Variants in PHACTR1 observed in about 807,000 individuals in gnomAD.
PHACTR1 encodes the protein RPEL repeat containing 1.
PHACTR1 carries 16 observed loss-of-function variants against 69.2 expected under a neutral mutation model. The observed-to-expected ratio is 0.23, with a 90% CI of 0.16 to 0.35. The LOEUF (loss-of-function observed/expected upper bound fraction) is 0.35, where lower values mean the gene tolerates loss of function less well. Among genes scored for constraint, PHACTR1 ranks in the 10% least tolerant of loss-of-function variants. The pLI is 1.00. For missense variants in PHACTR1, 510 were observed against 734.7 expected, an observed-to-expected ratio of 0.69 and a Z score of 3.54; for synonymous variants, 312 against 284.5, an observed-to-expected ratio of 1.10 and a Z score of -0.97.
intron 12 of PHACTR1, among the ~76,000 whole-genome samples, chr6:13,281,931 CCT>C (rs1025109463): frequency 6.6e-6 from 1 of 152,330 alleles, no homozygotes; most frequent in Non-Finnish European, 1.5e-5. Flanking sequence ...CGGCTGAGCC[CCT>C]GATCCCCAGA....
At chr6:13,244,814 C>A (rs1773363730) in intron 10 of PHACTR1, among the ~76,000 whole-genome samples, 1 of 152,144 alleles carries the variant, frequency 6.6e-6, no homozygotes, top group Non-Finnish European at 1.5e-5. Flanking sequence ...ATCACATAGT[C>A]CTGAGGCGAC....
chr6:13,236,515 G>A (rs778134667), intron 10 of PHACTR1, among the ~76,000 whole-genome samples: 1 of 152,070 alleles, frequency 6.6e-6, no homozygotes, highest in African/African-American at 2.4e-5. Context: ...CGTCTCTCCC[G>A]GCCTCTCGTG....
At chr6:13,226,840 C>G (rs1036298887) in intron 8 of PHACTR1, among the ~76,000 whole-genome samples, 1 of 151,344 alleles carries the variant, frequency 6.6e-6, no homozygotes, top group Non-Finnish European at 1.5e-5. Context: ...CAGGCTCAAG[C>G]GATTCTCCTG....
At chr6:12,744,251 A>C (rs1309905327) in intron 3 of PHACTR1, among the ~76,000 whole-genome samples, 1 of 152,206 alleles carries the variant, frequency 6.6e-6, no homozygotes, top group Non-Finnish European at 1.5e-5. Context: ...TTCCCATCAA[A>C]GCCTTGGCAA....
chr6:12,940,862 G>A (rs1789988476), intron 4 of PHACTR1, among the ~76,000 whole-genome samples: 2 of 152,100 alleles, frequency 1.3e-5, no homozygotes, highest in Non-Finnish European at 2.9e-5. Flanking sequence ...TGTTCATGAC[G>A]GATGCTAAGA....
At chr6:13,196,870 T>C (rs1286055572) in intron 7 of PHACTR1, among the ~76,000 whole-genome samples, 2 of 152,228 alleles carry the variant, frequency 1.3e-5, no homozygotes, top group Non-Finnish European at 2.9e-5. Flanking sequence ...CTCTGCTCTA[T>C]TACTTGATTC....
chr6:12,981,893 A>G (rs1000845681), intron 4 of PHACTR1, among the ~76,000 whole-genome samples: 1 of 152,190 alleles, frequency 6.6e-6, no homozygotes, highest in Non-Finnish European at 1.5e-5. Flanking sequence ...ATGAGTTGGC[A>G]GTTGCTTGAA....
At chr6:13,092,687 T>C (rs1469572884) in intron 5 of PHACTR1, among the ~76,000 whole-genome samples, 3 of 152,120 alleles carry the variant, frequency 2.0e-5, no homozygotes, top group African/African-American at 7.2e-5. Context: ...CATCTGGCGG[T>C]GATGGGAGAC....
At chr6:13,015,340 G>A (rs1175706180) in intron 4 of PHACTR1, among the ~76,000 whole-genome samples, 1 of 152,190 alleles carries the variant, frequency 6.6e-6, no homozygotes, top group Non-Finnish European at 1.5e-5. Context: ...GGACGGCACT[G>A]GAGGAAGGCG....
At chr6:13,005,062 A>G (rs997465619) in intron 4 of PHACTR1, among the ~76,000 whole-genome samples, 1 of 151,898 alleles carries the variant, frequency 6.6e-6, no homozygotes, top group African/African-American at 2.4e-5. Context: ...AGTTTCTCAG[A>G]TACACCAGAA....
At chr6:13,272,623 G>A (rs1167403790) in intron 10 of PHACTR1, 3 of 1,305,026 alleles carry the variant, frequency 2.3e-6, no homozygotes, top group Non-Finnish European at 3.0e-6. Flanking sequence ...GCTGGGGAGG[G>A]GCCGCTGCAG....
At chr6:13,202,371 A>C (rs191819593) in intron 7 of PHACTR1, among the ~76,000 whole-genome samples, 2 of 152,222 alleles carry the variant, frequency 1.3e-5, no homozygotes, top group African/African-American at 2.4e-5. Context: ...ATGAGCACCT[A>C]CTTGCCTTAG....
chr6:12,899,013 C>T (rs1168340173), intron 4 of PHACTR1, among the ~76,000 whole-genome samples: 1 of 152,200 alleles, frequency 6.6e-6, no homozygotes, highest in Non-Finnish European at 1.5e-5. Flanking sequence ...CTGGCCTATG[C>T]TTCCTCATAT....
At chr6:12,819,797 T>C (rs1411405961) in intron 4 of PHACTR1, among the ~76,000 whole-genome samples, 1 of 152,204 alleles carries the variant, frequency 6.6e-6, no homozygotes, top group Non-Finnish European at 1.5e-5. Context: ...GTAATTACTC[T>C]AACATCAAAT....
chr6:13,192,552 G>A (rs1024466370), intron 7 of PHACTR1, among the ~76,000 whole-genome samples: 6 of 152,194 alleles, frequency 3.9e-5, no homozygotes, highest in Admixed American at 3.9e-4. Context: ...AGCATCTTTT[G>A]TGCACTTTTT....
At chr6:13,265,003 C>T (rs1238728845) in intron 10 of PHACTR1, 1 of 150,132 alleles carries the variant, frequency 6.7e-6, no homozygotes, top group East Asian at 1.9e-4. Context: ...GCTTGGGTGA[C>T]CAGAGTGAGG....
At chr6:12,781,431 A>G (rs540293310) in intron 4 of PHACTR1, among the ~76,000 whole-genome samples, 2 of 152,334 alleles carry the variant, frequency 1.3e-5, no homozygotes, top group African/African-American at 4.8e-5. Context: ...CTGTGGTCAT[A>G]AGGAAGTGTT....
intron 6 of PHACTR1, among the ~76,000 whole-genome samples, chr6:13,173,609 A>G (rs1030623355): frequency 6.6e-6 from 1 of 152,218 alleles, no homozygotes; most frequent in Non-Finnish European, 1.5e-5. Flanking sequence ...ACGTCATTTT[A>G]CTGACTATCG....
intron 4 of PHACTR1, among the ~76,000 whole-genome samples, chr6:12,964,719 C>T (rs903772269): frequency 6.6e-6 from 1 of 152,118 alleles, no homozygotes; most frequent in African/African-American, 2.4e-5. Context: ...AATGCAACTG[C>T]AGCAGTGGAG....
Sources: allele counts gnomAD v4.1 joint callset (sites outside exome capture counted in the v4.1 genomes callset), GRCh38; gene constraint gnomAD v4.1.1; transcripts MANE v1.5; gene names NCBI Gene and HGNC (gene_info 2026-07-23, HGNC 2026-07-21).